Variants in CSMD1 observed in about 807,000 individuals in gnomAD.
CSMD1 encodes CUB and Sushi multiple domains 1.
A neutral mutation model predicts 417.5 loss-of-function variants in CSMD1; 213 were observed. The observed-to-expected ratio is 0.51, with a 90% CI of 0.46 to 0.57. CSMD1 has a LOEUF of 0.57. Ranked by LOEUF, CSMD1 falls within the 20% of genes least tolerant of loss-of-function variation. CSMD1 has a pLI of 0.00. For missense variants in CSMD1, 6,923 were observed against 4,529.7 expected (o/e 1.53, Z -15.17); for synonymous variants, 2,862 against 1,736.8 (o/e 1.65, Z -16.11).
At chr8:4,133,842 T>C (rs75669874) in intron 3 of CSMD1, among the ~76,000 whole-genome samples, 4,538 of 152,258 alleles carry the variant, frequency 0.03, 229 homozygotes, top group African/African-American at 0.1. Context: ...ACACACCTGC[T>C]TTGCAATCAG....
chr8:2,958,254 C>T (rs1434602106), intron 62 of CSMD1, among the ~76,000 whole-genome samples: 1 of 152,206 alleles, frequency 6.6e-6, no homozygotes, highest in Non-Finnish European at 1.5e-5. Flanking sequence ...TCTGATGCTT[C>T]AAACTGTACA....
intron 3 of CSMD1, among the ~76,000 whole-genome samples, chr8:4,120,303 G>C (rs944414800): frequency 1.3e-5 from 2 of 152,176 alleles, no homozygotes; most frequent in African/African-American, 4.8e-5. Context: ...ATATACTTCA[G>C]TGTTATTTCA....
chr8:4,926,299 C>A (rs867148794), intron 1 of CSMD1, among the ~76,000 whole-genome samples: 1 of 152,092 alleles, frequency 6.6e-6, no homozygotes, highest in East Asian at 1.9e-4. Context: ...TTGGTTCTAA[C>A]GAAAGGAAGA....
chr8:4,051,090 G>A (rs182237044), intron 3 of CSMD1, among the ~76,000 whole-genome samples: 31 of 152,068 alleles, frequency 2.0e-4, no homozygotes, highest in African/African-American at 6.3e-4. Context: ...CTGAGTTACA[G>A]CATCTTTATT....
intron 10 of CSMD1, among the ~76,000 whole-genome samples, chr8:3,520,619 C>G (rs1797467485): frequency 6.6e-6 from 1 of 152,168 alleles, no homozygotes; most frequent in Non-Finnish European, 1.5e-5. Flanking sequence ...TGCTCATTCA[C>G]TGGCTGTTTC....
At chr8:4,096,803 C>A (rs536940757) in intron 3 of CSMD1, among the ~76,000 whole-genome samples, 2 of 152,288 alleles carry the variant, frequency 1.3e-5, no homozygotes, top group East Asian at 1.9e-4. Context: ...CCGACGCTGT[C>A]TTCTGACCCA....
chr8:3,356,764 T>A (rs1435249302), intron 21 of CSMD1, among the ~76,000 whole-genome samples: 2 of 152,198 alleles, frequency 1.3e-5, no homozygotes, highest in Non-Finnish European at 2.9e-5. Flanking sequence ...TGGTGCTCTG[T>A]GGGCCTGAGA....
chr8:3,309,063 G>C (rs1467596861), intron 23 of CSMD1, among the ~76,000 whole-genome samples: 1 of 152,060 alleles, frequency 6.6e-6, no homozygotes, highest in Non-Finnish European at 1.5e-5. Context: ...AACTTCATCT[G>C]TCAGTCCAAG....
chr8:4,026,308 A>C (rs867231683), intron 4 of CSMD1, among the ~76,000 whole-genome samples: 14 of 152,350 alleles, frequency 9.2e-5, no homozygotes, highest in Admixed American at 1.3e-4. Context: ...CACTGAGAAA[A>C]GCAAAATTTA....
intron 3 of CSMD1, among the ~76,000 whole-genome samples, chr8:4,151,872 G>A (rs1796588502): frequency 6.6e-6 from 1 of 151,966 alleles, no homozygotes; most frequent in African/African-American, 2.4e-5. Context: ...TTCTATTGCA[G>A]GCACACATTA....
At chr8:3,395,360 A>G (rs557824962) in intron 17 of CSMD1, among the ~76,000 whole-genome samples, 1 of 152,336 alleles carries the variant, frequency 6.6e-6, no homozygotes, top group South Asian at 2.1e-4. Context: ...CAAACAGAGA[A>G]AAGAATAACA....
At chr8:4,823,901 T>C (rs1005312217) in intron 1 of CSMD1, among the ~76,000 whole-genome samples, 4 of 151,894 alleles carry the variant, frequency 2.6e-5, no homozygotes, top group African/African-American at 7.3e-5. Context: ...GAAATACTCT[T>C]AACAAGAGAA....
chr8:3,924,785 T>C (rs1478617102), intron 5 of CSMD1, among the ~76,000 whole-genome samples: 3 of 152,192 alleles, frequency 2.0e-5, no homozygotes, highest in African/African-American at 4.8e-5. Flanking sequence ...TCTTCAACTC[T>C]CTATTCGTGT....
chr8:3,612,014 A>C (rs1481477904), intron 8 of CSMD1, among the ~76,000 whole-genome samples: 3 of 152,148 alleles, frequency 2.0e-5, no homozygotes, highest in African/African-American at 7.2e-5. Flanking sequence ...TAAAATACTA[A>C]TTTCCTTTTC....
chr8:4,947,374 T>C (rs905658067), intron 1 of CSMD1, among the ~76,000 whole-genome samples: 22 of 152,012 alleles, frequency 1.4e-4, no homozygotes, highest in Admixed American at 3.3e-4. Context: ...CACTAATTAA[T>C]GGGAAATTCC....
At chr8:4,185,913 C>G (rs554927425) in intron 3 of CSMD1, among the ~76,000 whole-genome samples, 1 of 152,004 alleles carries the variant, frequency 6.6e-6, no homozygotes, top group African/African-American at 2.4e-5. Context: ...ACTGTTATTA[C>G]GTTGAGTTCA....
chr8:4,724,465 A>C (rs1809279544), intron 1 of CSMD1, among the ~76,000 whole-genome samples: 1 of 151,924 alleles, frequency 6.6e-6, no homozygotes, highest in African/African-American at 2.4e-5. Context: ...CATTACTTAT[A>C]AGTAGCTGGG....
chr8:3,193,971 G>C (rs552994594), intron 33 of CSMD1, among the ~76,000 whole-genome samples: 73 of 152,290 alleles, frequency 4.8e-4, no homozygotes, highest in Non-Finnish European at 8.5e-4. Context: ...AGTGCATGTA[G>C]GACTCACTTG....
chr8:3,045,847 T>A (rs901972958), intron 50 of CSMD1, among the ~76,000 whole-genome samples: 1 of 152,194 alleles, frequency 6.6e-6, no homozygotes, highest in African/African-American at 2.4e-5. Context: ...AATATGGTGA[T>A]AATGAAATTA....
Sources: allele counts gnomAD v4.1 joint callset (sites outside exome capture counted in the v4.1 genomes callset), GRCh38; gene constraint gnomAD v4.1.1; transcripts MANE v1.5; gene names NCBI Gene and HGNC (gene_info 2026-07-23, HGNC 2026-07-21).